Variants in CHMP5 observed in about 807,000 individuals in gnomAD.
CHMP5 encodes charged multivesicular body protein 5.
A neutral mutation model predicts 33.0 loss-of-function variants in CHMP5; 17 were observed. The observed-to-expected ratio is 0.52, with a 90% CI of 0.35 to 0.77. CHMP5 has a LOEUF of 0.77. Ranked by LOEUF, CHMP5 falls within the 30% of genes least tolerant of loss-of-function variation. The pLI is 0.01. For missense variants in CHMP5, 216 were observed against 261.5 expected (o/e 0.83, Z 1.20); for synonymous variants, 76 against 90.2 (o/e 0.84, Z 0.89).
intron 5 of CHMP5, among the ~76,000 whole-genome samples, chr9:33,272,687 C>T (rs1261839449): frequency 6.6e-6 from 1 of 152,012 alleles, no homozygotes; most frequent in Non-Finnish European, 1.5e-5. Context: ...GCCTGTAGTC[C>T]CAGCTGTTCG....
chr9:33,279,343 TTC>T (rs1266087036), intron 7 of CHMP5, among the ~76,000 whole-genome samples: 1 of 152,104 alleles, frequency 6.6e-6, no homozygotes, highest in African/African-American at 2.4e-5. Context: ...AGCAGGTAAT[TTC>T]TTAGGTCCAT....
intron 2 of CHMP5, among the ~76,000 whole-genome samples, chr9:33,267,337 G>C (rs1820739419): frequency 6.6e-6 from 1 of 152,216 alleles, no homozygotes. Flanking sequence ...CAAAGAATCA[G>C]TTTGAAAGTG....
intron 5 of CHMP5, 73 bp downstream of exon 5, chr9:33,271,296 AG>A (rs1170970264): frequency 1.6e-6 from 2 of 1,214,304 alleles, no homozygotes; most frequent in Non-Finnish European, 2.4e-6. Flanking sequence ...TGCATGTGAT[AG>A]GAAGAGCACA....
chr9:33,274,209 G>C (rs1321029071), intron 5 of CHMP5, among the ~76,000 whole-genome samples: 2 of 152,014 alleles, frequency 1.3e-5, no homozygotes, highest in Admixed American at 6.6e-5. Flanking sequence ...CTGAGTAGCT[G>C]AGACTACAAG....
intron 5 of CHMP5, among the ~76,000 whole-genome samples, chr9:33,274,071 G>T (rs905419768): frequency 7.3e-5 from 11 of 151,676 alleles, no homozygotes; most frequent in Non-Finnish European, 1.2e-4. Context: ...TCACCTTTAT[G>T]GGGGCCAGGA....
intron 3 of CHMP5, among the ~76,000 whole-genome samples, chr9:33,268,321 T>C (rs963511715): frequency 1.3e-5 from 2 of 152,236 alleles, no homozygotes; most frequent in Non-Finnish European, 2.9e-5. Flanking sequence ...TTTTTTGTTT[T>C]TGTTTGTGAA....
intron 5 of CHMP5, among the ~76,000 whole-genome samples, chr9:33,275,462 T>A (rs993315322): frequency 6.6e-6 from 1 of 152,188 alleles, no homozygotes; most frequent in Non-Finnish European, 1.5e-5. Context: ...CATGTACAAC[T>A]CACTTTTTGT....
intron 7 of CHMP5, among the ~76,000 whole-genome samples, chr9:33,280,514 A>T (rs889982957): frequency 4.6e-5 from 7 of 151,592 alleles, no homozygotes; most frequent in African/African-American, 1.7e-4. Flanking sequence ...TTCCTTTTTG[A>T]CTCTCCCAGC....
chr9:33,275,856 A>G (rs1296983480), intron 5 of CHMP5, among the ~76,000 whole-genome samples: 1 of 152,170 alleles, frequency 6.6e-6, no homozygotes, highest in Non-Finnish European at 1.5e-5. Flanking sequence ...CTGAAAATAC[A>G]AAAATTAGCT....
intron 5 of CHMP5, 83 bp from the exon 6 acceptor site, chr9:33,276,373 G>C (rs1046920455): frequency 1.6e-5 from 12 of 740,724 alleles, no homozygotes; most frequent in Non-Finnish European, 2.6e-5. Flanking sequence ...CTCATGTCTA[G>C]ATTCAAAGGA....
chr9:33,278,251 C>A (rs754148751), intron 7 of CHMP5, 26 bp downstream of exon 7: 2 of 1,358,832 alleles, frequency 1.5e-6, no homozygotes, highest in South Asian at 2.4e-5. Context: ...GTTTATATTT[C>A]AATGCAAAAT....
chr9:33,278,323 C>A, intron 7 of CHMP5, 98 bp downstream of exon 7: 1 of 736,852 alleles, frequency 1.4e-6, no homozygotes. Context: ...AACATTAGAA[C>A]AAAGAAAGAC....
rs183294815 is a variant in CHMP5, at chr9:33,265,903, C to T, written c.70-107C>T. ...TTGTGAACCACTGTTTTTCACCCTTCCCCTTAAGCTCCTCTTTTCTTCCTC... is the reference window on the plus strand; with the variant it reads ...TTGTGAACCACTGTTTTTCACCCTTTCCCTTAAGCTCCTCTTTTCTTCCTC... On this transcript the variant is annotated intron_variant, in intron 1 of 7. Transcript: ENST00000223500. 56 of 627,548 alleles carry T rather than the reference C, an allele frequency of 8.9e-5. No homozygotes were observed. The East Asian group carries it at 1.5e-3, about 17-fold the overall frequency. 38.9% of individuals were successfully genotyped at this position (627,548 alleles called of 1,614,324 possible).
chr9:33,277,190 CAAAAAA>C (rs59657807), intron 6 of CHMP5, among the ~76,000 whole-genome samples: 1 of 53,372 alleles, frequency 1.9e-5, no homozygotes, highest in African/African-American at 6.2e-5. Flanking sequence ...GACCTTCTCT[CAAAAAA>C]AAAAAAAAAA....
chr9:33,265,919 T>C, intron 1 of CHMP5, 91 bp from the exon 2 acceptor site: 2 of 763,286 alleles, frequency 2.6e-6, no homozygotes, highest in South Asian at 3.4e-5. Context: ...AAGCTCCTCT[T>C]TTCTTCCTCT....
At chr9:33,270,298 A>G (rs565945062) in intron 3 of CHMP5, among the ~76,000 whole-genome samples, 9 of 152,354 alleles carry the variant, frequency 5.9e-5, no homozygotes, top group Admixed American at 1.3e-4. Flanking sequence ...ATAGTGGGCT[A>G]TACCACCTAG....
intron 5 of CHMP5, among the ~76,000 whole-genome samples, chr9:33,272,262 A>C (rs1490153090): frequency 6.6e-6 from 1 of 151,942 alleles, no homozygotes; most frequent in Non-Finnish European, 1.5e-5. Context: ...TAGAATGTCC[A>C]TTTCCTTGAA....
chr9:33,268,973 T>G (rs1820761001), intron 3 of CHMP5, among the ~76,000 whole-genome samples: 1 of 152,232 alleles, frequency 6.6e-6, no homozygotes, highest in African/African-American at 2.4e-5. Context: ...CTTTTAAATA[T>G]TCTTTGGAAA....
chr9:33,278,109 T>C lies in CHMP5; in HGVS notation c.497-4T>C. On this transcript the variant is annotated splice_polypyrimidine_tract_variant and splice_region_variant and intron_variant, in intron 6 of 7. Transcript: ENST00000223500. Reference sequence around the variant, plus strand: ...TTTTTAAATGTTGACTGTTTCAATCTCAGAGTTGGATGCACTAGGTGATGA... The same window carrying C: ...TTTTTAAATGTTGACTGTTTCAATCCCAGAGTTGGATGCACTAGGTGATGA... 1 of 1,587,396 alleles carries C rather than the reference T, an allele frequency of 6.3e-7. No individual in the cohort carries two copies. Among genetic ancestry groups the C allele is most frequent in the Non-Finnish European group, 8.6e-7 (1 of 1,158,672 alleles).
Sources: allele counts gnomAD v4.1 joint callset (sites outside exome capture counted in the v4.1 genomes callset), GRCh38; gene constraint gnomAD v4.1.1; transcripts MANE v1.5; gene names NCBI Gene and HGNC (gene_info 2026-07-23, HGNC 2026-07-21).